Variants in DOCK1 observed in about 807,000 individuals in gnomAD.
The protein encoded by DOCK1 is dedicator of cytokinesis protein 1.
In DOCK1, 138 loss-of-function variants were observed where a neutral mutation model predicts 262.7. That is an observed-to-expected ratio of 0.53 (90% CI 0.46 to 0.61). The LOEUF (loss-of-function observed/expected upper bound fraction) is 0.61, where lower values mean the gene tolerates loss of function less well. Ranked by LOEUF, DOCK1 falls within the 20% of genes least tolerant of loss-of-function variation. The probability of loss-of-function intolerance (pLI) is 0.00; values close to 1 mark genes in which losing one functional copy is unlikely to be tolerated. For missense variants in DOCK1, 1,908 were observed against 2,370.7 expected, an observed-to-expected ratio of 0.80 and a Z score of 4.05; for synonymous variants, 866 against 867.4, an observed-to-expected ratio of 1.00 and a Z score of 0.03.
intron 46 of DOCK1, among the ~76,000 whole-genome samples, chr10:127,423,292 CAT>C: frequency 6.6e-6 from 1 of 152,270 alleles, no homozygotes; most frequent in South Asian, 2.1e-4. Context: ...TCCCAGGACT[CAT>C]GTGCAGAGTT....
chr10:127,035,615 A>G (rs1431372879), intron 18 of DOCK1, among the ~76,000 whole-genome samples: 1 of 152,212 alleles, frequency 6.6e-6, no homozygotes, highest in Non-Finnish European at 1.5e-5. Context: ...TTAAGGAAAT[A>G]CTGGTAATTC....
rs999321293 is a variant in DOCK1 at position 127,237,228 on chromosome 10, C to T, written c.2848-10780C>T. 1.1e-4 allele frequency among the ~76,000 whole-genome samples: 17 copies of T among 151,876 alleles called. 1 individual carries two copies. The East Asian group carries it at 2.1e-3, about 19-fold the overall frequency. On this transcript the variant is annotated intron_variant, in intron 27 of 51. Transcript: ENST00000623213. ...ATGAAAAATTAGCCGGGTATGGTGA[C>T]GGGTGCCTGTAATCCCAGCTACTTG...
intron 23 of DOCK1, among the ~76,000 whole-genome samples, chr10:127,099,640 A>G (rs926141546): frequency 5.9e-5 from 9 of 152,134 alleles, no homozygotes; most frequent in Admixed American, 4.6e-4. Flanking sequence ...GCCAGCTCTC[A>G]CGTGAACTAA....
At chr10:127,364,365 T>A (rs1026324945) in intron 33 of DOCK1, among the ~76,000 whole-genome samples, 10 of 152,178 alleles carry the variant, frequency 6.6e-5, no homozygotes, top group Non-Finnish European at 1.3e-4. Flanking sequence ...GGCAGTTTTT[T>A]AATTTTTTTT....
chr10:126,922,626 G>A (rs907570073), intron 1 of DOCK1, among the ~76,000 whole-genome samples: 25 of 152,124 alleles, frequency 1.6e-4, no homozygotes, highest in Non-Finnish European at 2.9e-4. Flanking sequence ...TTCCACAAGA[G>A]ATTTGGAGGG....
At chr10:127,246,099 C>T (rs2040104) in intron 27 of DOCK1, among the ~76,000 whole-genome samples, 3 of 152,108 alleles carry the variant, frequency 2.0e-5, no homozygotes, top group African/African-American at 7.2e-5. Flanking sequence ...TGACTGCAAG[C>T]GTAGAGGAAA....
chr10:127,398,903 T>A (rs2067069187), intron 38 of DOCK1, among the ~76,000 whole-genome samples: 1 of 152,218 alleles, frequency 6.6e-6, no homozygotes, highest in African/African-American at 2.4e-5. Flanking sequence ...GGGTAAGAAA[T>A]CAATTCCTGC....
At chr10:126,983,120 C>T (rs1398132100) in intron 4 of DOCK1, among the ~76,000 whole-genome samples, 1 of 152,152 alleles carries the variant, frequency 6.6e-6, no homozygotes, top group Non-Finnish European at 1.5e-5. Flanking sequence ...CCAAGGTGCC[C>T]CACTGTGGGC....
At chr10:127,130,878 T>C (rs1202222747) in intron 27 of DOCK1, among the ~76,000 whole-genome samples, 2 of 152,186 alleles carry the variant, frequency 1.3e-5, no homozygotes, top group Non-Finnish European at 2.9e-5. Context: ...GTGGTCCACT[T>C]CAGAAGTCAT....
intron 6 of DOCK1, among the ~76,000 whole-genome samples, chr10:126,993,037 G>C (rs1187094291): frequency 6.6e-6 from 1 of 152,228 alleles, no homozygotes; most frequent in East Asian, 1.9e-4. Context: ...TCTGGAAGGA[G>C]CATGGCTCTG....
At chr10:127,348,366 T>C (rs981236814) in intron 31 of DOCK1, among the ~76,000 whole-genome samples, 2 of 152,150 alleles carry the variant, frequency 1.3e-5, no homozygotes, top group Non-Finnish European at 1.5e-5. Context: ...GAATGACTTT[T>C]GATTAGCAGC....
At chr10:126,928,745 C>T (rs1352729710) in intron 1 of DOCK1, among the ~76,000 whole-genome samples, 1 of 152,228 alleles carries the variant, frequency 6.6e-6, no homozygotes, top group Non-Finnish European at 1.5e-5. Context: ...GGGTGTTACA[C>T]GACCACAAGC....
chr10:127,442,500 C>G (rs2070236252), intron 49 of DOCK1, among the ~76,000 whole-genome samples: 1 of 152,118 alleles, frequency 6.6e-6, no homozygotes, highest in South Asian at 2.1e-4. Flanking sequence ...GCCTGATGAT[C>G]TGAGACCAAC....
rs546259366 is a variant in DOCK1 at position 127,336,688 on chromosome 10, C to T, written c.3045-2318C>T. On this transcript the variant is annotated intron_variant, in intron 29 of 51. Coordinates refer to ENST00000623213, the MANE Select transcript of DOCK1 (RefSeq NM_001290223.2). The stretch of plus-strand genomic sequence containing the variant: ...CCAAGTAGCTGGGACTGCAGGTGCC[C>T]GCCACCACACCCAGCTAATTTTTTG... Among the ~76,000 whole-genome samples, 67 of 152,126 alleles carry T rather than the reference C, an allele frequency of 4.4e-4. No individual in the cohort carries two copies. The South Asian group carries it at 6.9e-3, about 16-fold the overall frequency.
At chr10:126,926,528 A>G (rs531480474) in intron 1 of DOCK1, among the ~76,000 whole-genome samples, 1 of 152,342 alleles carries the variant, frequency 6.6e-6, no homozygotes, top group South Asian at 2.1e-4. Context: ...AGAGGAGGTT[A>G]TGGGTTGAGT....
chr10:127,205,690 C>T (rs1017551328), intron 27 of DOCK1, among the ~76,000 whole-genome samples: 1 of 152,236 alleles, frequency 6.6e-6, no homozygotes, highest in Non-Finnish European at 1.5e-5. Flanking sequence ...CATTTTTAAA[C>T]ATTGCTGAAG....
chr10:127,153,842 G>A, intron 27 of DOCK1: 1 of 1,600,640 alleles, frequency 6.2e-7, no homozygotes, highest in African/African-American at 1.3e-5. Context: ...AGAGGAGAAT[G>A]TTAACATACC....
chr10:127,260,517 A>G (rs1157214175), intron 29 of DOCK1, among the ~76,000 whole-genome samples: 5 of 152,202 alleles, frequency 3.3e-5, no homozygotes, highest in Non-Finnish European at 2.9e-5. Flanking sequence ...CTGTGAGGCC[A>G]GGTCGTTGAG....
At chr10:126,926,747 T>C (rs1479039488) in intron 1 of DOCK1, among the ~76,000 whole-genome samples, 2 of 152,196 alleles carry the variant, frequency 1.3e-5, no homozygotes. Flanking sequence ...AAGTGGGCGT[T>C]ACACGGCCGC....
Sources: gnomAD v4.1 joint callset for allele counts (sites outside exome capture counted in the v4.1 genomes callset) on GRCh38, gnomAD v4.1.1 for gene constraint, MANE v1.5 for transcripts, NCBI Gene and HGNC (gene_info 2026-07-23, HGNC 2026-07-21) for gene names.